DTNB: variants seen among roughly 807,000 people sequenced by gnomAD.
DTNB encodes the protein dystrobrevin beta, also known as DTN-B.
DTNB carries 63 observed loss-of-function variants against 90.7 expected under a neutral mutation model. That is an observed-to-expected ratio of 0.69 (90% confidence interval 0.57 to 0.86). DTNB has a LOEUF of 0.86. Ranked by LOEUF, DTNB falls within the 40% of genes least tolerant of loss-of-function variation. The pLI is 0.00. For synonymous variants in DTNB, 277 were observed against 286.7 expected (o/e 0.97, Z 0.34); for missense variants, 744 against 807.1 (o/e 0.92, Z 0.95).
chr2:25,479,204 A>G (rs1366555747), intron 10 of DTNB, among the ~76,000 whole-genome samples: 1 of 152,230 alleles, frequency 6.6e-6, no homozygotes, highest in Non-Finnish European at 1.5e-5. Flanking sequence ...TTAAGTATCC[A>G]TAAACACAGC....
At chr2:25,384,497 A>G (rs781441840) in intron 18 of DTNB, among the ~76,000 whole-genome samples, 21 of 152,252 alleles carry the variant, frequency 1.4e-4, no homozygotes, top group Non-Finnish European at 2.4e-4. Context: ...CTGGGCATGT[A>G]CTTTGAATAG....
intron 4 of DTNB, among the ~76,000 whole-genome samples, chr2:25,620,696 G>A (rs2072313108): frequency 6.6e-6 from 1 of 152,126 alleles, no homozygotes. Flanking sequence ...GGCCAGGTGT[G>A]GTGGCTCATG....
intron 10 of DTNB, among the ~76,000 whole-genome samples, chr2:25,470,229 G>A (rs1574864738): frequency 6.6e-6 from 1 of 152,228 alleles, no homozygotes; most frequent in East Asian, 1.9e-4. Flanking sequence ...GCAGGAGGAA[G>A]ACGTACAAAA....
chr2:25,394,498 C>T (rs1265110842), intron 16 of DTNB, among the ~76,000 whole-genome samples: 1 of 152,094 alleles, frequency 6.6e-6, no homozygotes, highest in East Asian at 1.9e-4. Flanking sequence ...ATACATCTGA[C>T]ACAGGACTAA....
At chr2:25,427,838 T>C (rs2052381850) in intron 14 of DTNB, 1 of 439,304 alleles carries the variant, frequency 2.3e-6, no homozygotes, top group African/African-American at 2.0e-5. Flanking sequence ...AAAAGTGCTT[T>C]GGAAAGTTTA....
At chr2:25,396,413 A>C (rs2042362284) in intron 16 of DTNB, among the ~76,000 whole-genome samples, 1 of 152,076 alleles carries the variant, frequency 6.6e-6, no homozygotes. Flanking sequence ...TGGGAGGCTG[A>C]GGCAGGAGAA....
At chr2:25,449,185 T>C (rs1000890492) in intron 12 of DTNB, among the ~76,000 whole-genome samples, 5 of 152,236 alleles carry the variant, frequency 3.3e-5, no homozygotes, top group African/African-American at 9.6e-5. Flanking sequence ...GTTATTCCTT[T>C]TTGTGTTGAG....
Position 25,383,830 on chromosome 2 carries a change from C to G in DTNB, c.1879+6G>C, listed in dbSNP as rs1340573318. 3 of 1,614,062 alleles carry G rather than the reference C, an allele frequency of 1.9e-6. No individual in the cohort carries two copies. Among genetic ancestry groups the G allele is most frequent in the Non-Finnish European group, 2.5e-6 (3 of 1,179,908 alleles). ...TAAACGAGCAGTCCTGCTGAGCTGCCTTTACCTCTGTCTTTCCCATTCTGC... is the reference window on the plus strand; with the variant it reads ...TAAACGAGCAGTCCTGCTGAGCTGCGTTTACCTCTGTCTTTCCCATTCTGC... On this transcript the variant is annotated splice_donor_region_variant and intron_variant, in intron 19 of 20. Transcript: ENST00000406818.
intron 10 of DTNB, among the ~76,000 whole-genome samples, chr2:25,463,427 T>C (rs2061320475): frequency 6.6e-6 from 1 of 152,208 alleles, no homozygotes; most frequent in Admixed American, 6.5e-5. Context: ...CTCTTGACTG[T>C]GCACTCTTCT....
At chr2:25,609,597 A>C (rs1191303543) in intron 4 of DTNB, among the ~76,000 whole-genome samples, 27 of 84,152 alleles carry the variant, frequency 3.2e-4, no homozygotes, top group South Asian at 8.2e-4. Flanking sequence ...AACTCTTTCA[A>C]AAAAAAAAAA....
At chr2:25,669,463 C>CT (rs1387556640) in intron 1 of DTNB, among the ~76,000 whole-genome samples, 2 of 152,062 alleles carry the variant, frequency 1.3e-5, no homozygotes, top group Admixed American at 1.3e-4. Flanking sequence ...AGAAAATTTT[C>CT]TTAAACCAGA....
chr2:25,584,562 CT>C (rs60044530), intron 6 of DTNB, among the ~76,000 whole-genome samples: 3,436 of 145,724 alleles, frequency 0.024, 115 homozygotes, highest in African/African-American at 0.076. Context: ...CTCAATTTTA[CT>C]TTTTTTTTTT....
intron 9 of DTNB, chr2:25,497,379 T>C (rs189381740): frequency 6.6e-6 from 1 of 152,346 alleles, no homozygotes; most frequent in East Asian, 1.9e-4. Flanking sequence ...ATGAGGACTT[T>C]AAGGAGCACT....
At chr2:25,590,765 A>C (rs1351989085) in intron 6 of DTNB, among the ~76,000 whole-genome samples, 2 of 152,166 alleles carry the variant, frequency 1.3e-5, no homozygotes, top group Non-Finnish European at 2.9e-5. Flanking sequence ...AAAAAGCACC[A>C]CAAGTTCCCA....
At chr2:25,664,469 A>G (rs2083938672) in intron 1 of DTNB, among the ~76,000 whole-genome samples, 1 of 152,266 alleles carries the variant, frequency 6.6e-6, no homozygotes, top group Non-Finnish European at 1.5e-5. Flanking sequence ...CTAAAACAAT[A>G]TAAGCAGGTA....
intron 19 of DTNB, chr2:25,380,039 GCAGC>G (rs2037154510): frequency 2.6e-5 from 4 of 152,854 alleles, no homozygotes; most frequent in Non-Finnish European, 5.8e-5. Flanking sequence ...TCCCCAGGAT[GCAGC>G]CAGCCAGCCA....
At chr2:25,670,775 A>T (rs904488360) in intron 1 of DTNB, among the ~76,000 whole-genome samples, 1 of 152,242 alleles carries the variant, frequency 6.6e-6, no homozygotes, top group African/African-American at 2.4e-5. Flanking sequence ...GGGTGATGGA[A>T]ATTTCTTGAT....
rs189151023 is a variant in DTNB, at chr2:25,532,579, A to C, written c.877-982T>G. On this transcript the variant is annotated intron_variant, in intron 8 of 20. Coordinates refer to ENST00000406818, the MANE Select transcript of DTNB (RefSeq NM_021907.5). ...TAAGATTTAATCATAAATAAGCACA[A>C]AAGTAAGCAACATGCCACAATTAGG... 1.5e-3 allele frequency among the ~76,000 whole-genome samples: 221 copies of C among 152,350 alleles called. 1 individual carries two copies. The highest frequency in any genetic ancestry group is 3.4e-4 in the Non-Finnish European group (23 of 68,030).
Position 25,636,224 on chromosome 2 carries a change from ATTGT to A in DTNB, c.148+2786_148+2789del, listed in dbSNP as rs1434256813. ...AGAAGACTCTTCAGCATTGAAGAAA[ATTGT>A]TTATTTTCTTCTGTTTATTGACCCT... On this transcript the variant is annotated intron_variant, in intron 3 of 20. Coordinates refer to ENST00000406818, the MANE Select transcript of DTNB (RefSeq NM_021907.5). 2.6e-5 allele frequency among the ~76,000 whole-genome samples: 4 copies of A among 152,172 alleles called. No individual in the cohort carries two copies. In the East Asian group the frequency reaches 5.8e-4, roughly 22 times the overall value.
Sources: gnomAD v4.1 joint callset for allele counts (sites outside exome capture counted in the v4.1 genomes callset) on GRCh38, gnomAD v4.1.1 for gene constraint, MANE v1.5 for transcripts, NCBI Gene and HGNC (gene_info 2026-07-23, HGNC 2026-07-21) for gene names.